The following DLGAP2 variants were observed in gnomAD, a reference collection of about 807,000 sequenced individuals.
DLGAP2 encodes the protein DLG associated protein 2.
Under a neutral mutation model 100.3 loss-of-function variants are expected in DLGAP2, and 26 were observed. The observed-to-expected ratio is 0.26, with a 90% CI of 0.19 to 0.36. The LOEUF is 0.36. Ranked by LOEUF, DLGAP2 falls within the 10% of genes least tolerant of loss-of-function variation. The probability of loss-of-function intolerance (pLI) is 1.00; values close to 1 mark genes in which losing one functional copy is unlikely to be tolerated. For missense variants in DLGAP2, 1,858 were observed against 1,453.2 expected (o/e 1.28, Z -4.53); for synonymous variants, 886 against 630.1 (o/e 1.41, Z -6.08).
chr8:1,178,368 G>GGTGGCA (rs1408982991), intron 2 of DLGAP2, among the ~76,000 whole-genome samples: 1 of 152,098 alleles, frequency 6.6e-6, no homozygotes, highest in Non-Finnish European at 1.5e-5. Context: ...CAGCAGTGGC[G>GGTGGCA]GTGGCAGTGG....
chr8:794,664 C>G (rs1166572109), intron 1 of DLGAP2, among the ~76,000 whole-genome samples: 1 of 152,244 alleles, frequency 6.6e-6, no homozygotes, highest in Non-Finnish European at 1.5e-5. Flanking sequence ...CCACAACCTT[C>G]CAGCTTGGGC....
rs1332783869 is a variant in DLGAP2, at chr8:1,683,976, A to G, written c.2704+5347A>G. Among the ~76,000 whole-genome samples the G allele has an allele frequency of 2.4e-5, 3 of 126,872 alleles. No homozygotes were observed. The East Asian group carries it at 6.9e-4, about 29-fold the overall frequency. 83.2% of individuals were successfully genotyped at this position (126,872 alleles called of 152,430 possible). Reference sequence around the variant, plus strand: ...TGTGTATATATATATATATATATATATATATATATATACTTTTTTTTTTAA... The same window carrying G: ...TGTGTATATATATATATATATATATGTATATATATATACTTTTTTTTTTAA... On this transcript the variant is annotated intron_variant, in intron 12 of 14. Transcript: ENST00000637795.
chr8:1,426,546 C>T (rs562400803), intron 3 of DLGAP2, among the ~76,000 whole-genome samples: 2 of 152,278 alleles, frequency 1.3e-5, no homozygotes, highest in African/African-American at 2.4e-5. Context: ...GATAACATCA[C>T]CCATCCAGAC....
At chr8:975,513 A>G (rs903043331) in intron 2 of DLGAP2, among the ~76,000 whole-genome samples, 1 of 152,204 alleles carries the variant, frequency 6.6e-6, no homozygotes, top group East Asian at 1.9e-4. Context: ...GTATGAGGGA[A>G]TCAAATCTAA....
intron 3 of DLGAP2, among the ~76,000 whole-genome samples, chr8:1,339,761 G>T (rs556759965): frequency 6.6e-6 from 1 of 152,276 alleles, no homozygotes; most frequent in East Asian, 1.9e-4. Context: ...TGCGCTGTGT[G>T]TTCCTAGATC....
chr8:1,325,794 A>T (rs183483386), intron 3 of DLGAP2, among the ~76,000 whole-genome samples: 102 of 152,354 alleles, frequency 6.7e-4, no homozygotes, highest in Non-Finnish European at 5.9e-5. Flanking sequence ...AATTTACTGT[A>T]TCAAGAGTTG....
chr8:1,319,797 C>G (rs1043279213), intron 3 of DLGAP2, among the ~76,000 whole-genome samples: 1 of 152,082 alleles, frequency 6.6e-6, no homozygotes, highest in Non-Finnish European at 1.5e-5. Flanking sequence ...GGCCAGAGAC[C>G]GGAAGGAAAC....
At chr8:881,962 A>G (rs761730184) in intron 1 of DLGAP2, among the ~76,000 whole-genome samples, 1 of 152,190 alleles carries the variant, frequency 6.6e-6, no homozygotes, top group Non-Finnish European at 1.5e-5. Context: ...GTCCCCTGCC[A>G]TGCAAACTCA....
At chr8:1,310,416 A>G (rs1328982214) in intron 3 of DLGAP2, among the ~76,000 whole-genome samples, 1 of 152,328 alleles carries the variant, frequency 6.6e-6, no homozygotes, top group East Asian at 1.9e-4. Context: ...GGTAGCTCTA[A>G]TCATAGCTGG....
chr8:879,554 A>C (rs1797747661), intron 1 of DLGAP2, among the ~76,000 whole-genome samples: 1 of 152,214 alleles, frequency 6.6e-6, no homozygotes, highest in African/African-American at 2.4e-5. Flanking sequence ...GTCTTTGAAC[A>C]TCTCTGGTTC....
chr8:984,392 C>T (rs955903723), intron 2 of DLGAP2, among the ~76,000 whole-genome samples: 2 of 152,178 alleles, frequency 1.3e-5, no homozygotes, highest in African/African-American at 4.8e-5. Context: ...TTAATTGTGC[C>T]CTTACAGGGC....
At chr8:1,306,597 A>G (rs1800497309) in intron 3 of DLGAP2, among the ~76,000 whole-genome samples, 1 of 152,186 alleles carries the variant, frequency 6.6e-6, no homozygotes, top group Non-Finnish European at 1.5e-5. Context: ...CAATCTTGAA[A>G]AATAAGAACT....
At chr8:1,452,686 C>G (rs1180078126) in intron 3 of DLGAP2, among the ~76,000 whole-genome samples, 2 of 152,178 alleles carry the variant, frequency 1.3e-5, no homozygotes, top group African/African-American at 4.8e-5. Flanking sequence ...AGGCTCTGTG[C>G]GGGTTCTGCG....
intron 4 of DLGAP2, among the ~76,000 whole-genome samples, chr8:1,525,529 A>G (rs985995955): frequency 6.6e-6 from 1 of 152,244 alleles, no homozygotes; most frequent in Non-Finnish European, 1.5e-5. Context: ...GGTCCTCAGA[A>G]AATGGAAGAA....
chr8:739,622 CAAGTT>C (rs1289688541), intron 1 of DLGAP2: 1 of 152,288 alleles, frequency 6.6e-6, no homozygotes, highest in East Asian at 1.9e-4. Context: ...CTTGGCAGGT[CAAGTT>C]GTTACTCTGG....
At chr8:789,584 A>G (rs1037702231) in intron 1 of DLGAP2, among the ~76,000 whole-genome samples, 3 of 152,210 alleles carry the variant, frequency 2.0e-5, no homozygotes, top group Admixed American at 6.5e-5. Flanking sequence ...GATGATGGCT[A>G]CTTAAATTTT....
chr8:780,829 C>G (rs961245350), intron 1 of DLGAP2, among the ~76,000 whole-genome samples: 1 of 152,204 alleles, frequency 6.6e-6, no homozygotes, highest in South Asian at 2.1e-4. Flanking sequence ...GTCCTTCCGC[C>G]TTCCCCACAC....
At chr8:998,918 A>G (rs1015979787) in intron 2 of DLGAP2, among the ~76,000 whole-genome samples, 3 of 151,942 alleles carry the variant, frequency 2.0e-5, no homozygotes, top group African/African-American at 4.8e-5. Flanking sequence ...TGCATTGTTC[A>G]TGTGTGAAGC....
intron 1 of DLGAP2, among the ~76,000 whole-genome samples, chr8:773,432 G>T (rs891263414): frequency 6.6e-6 from 1 of 151,272 alleles, no homozygotes; most frequent in Non-Finnish European, 1.5e-5. Context: ...GTGCCATGCT[G>T]GTGCGCTGCA....
Sources: allele counts gnomAD v4.1 joint callset (sites outside exome capture counted in the v4.1 genomes callset), GRCh38; gene constraint gnomAD v4.1.1; transcripts MANE v1.5; gene names NCBI Gene and HGNC (gene_info 2026-07-23, HGNC 2026-07-21).